The following LMO7 variants were observed in gnomAD, a reference collection of about 807,000 sequenced individuals.
LMO7 encodes LIM domain 7, also known as LIM domain only protein 7.
In LMO7, 120 loss-of-function variants were observed where a neutral mutation model predicts 206.5. That is an observed-to-expected ratio of 0.58 (90% confidence interval 0.50 to 0.68). The LOEUF is 0.68. Among genes scored for constraint, LMO7 ranks in the 30% least tolerant of loss-of-function variants. LMO7 has a pLI of 0.00. For missense variants in LMO7, 1,959 were observed against 1,957.9 expected (o/e 1.00, Z -0.01); for synonymous variants, 706 against 681.5 (o/e 1.04, Z -0.56).
intron 26 of LMO7, 141 bp downstream of exon 26, chr13:75,845,520 A>T (rs1488774893): frequency 1.3e-5 from 7 of 543,894 alleles, no homozygotes; most frequent in African/African-American, 2.0e-5. Context: ...ACCTCTGTAT[A>T]TAAAAACAGC....
intron 7 of LMO7, among the ~76,000 whole-genome samples, chr13:75,803,824 T>C (rs1387061399): frequency 1.3e-5 from 2 of 152,174 alleles, no homozygotes; most frequent in Non-Finnish European, 2.9e-5. Context: ...TGTTTTTTTT[T>C]TTCTTCTCTT....
chr13:75,850,408 A>G (rs2060398150), intron 27 of LMO7, among the ~76,000 whole-genome samples: 1 of 152,168 alleles, frequency 6.6e-6, no homozygotes, highest in African/African-American at 2.4e-5. Context: ...TTCTGGATAT[A>G]TTTGGATAAA....
chr13:75,805,934 A>C (rs2055396672), intron 9 of LMO7, 174 bp downstream of exon 9: 1 of 1,112,438 alleles, frequency 9.0e-7, no homozygotes, highest in African/African-American at 1.6e-5. Flanking sequence ...AAACCTGAGG[A>C]TCTAGATCTT....
intron 26 of LMO7, among the ~76,000 whole-genome samples, chr13:75,848,066 A>C (rs972692186): frequency 2.0e-5 from 3 of 151,832 alleles, no homozygotes; most frequent in Non-Finnish European, 2.9e-5. Context: ...TTTATTTTTA[A>C]ATTTTTTTAT....
intron 20 of LMO7, chr13:75,838,411 T>C (rs1023964259): frequency 1.1e-5 from 16 of 1,392,630 alleles, no homozygotes; most frequent in Middle Eastern, 1.8e-4. Flanking sequence ...TGTGTGTCCT[T>C]TGTATACCTC....
chr13:75,840,589 G>T (rs878881248), intron 22 of LMO7, 94 bp downstream of exon 22: 2 of 1,413,030 alleles, frequency 1.4e-6, no homozygotes, highest in Non-Finnish European at 9.6e-7. Flanking sequence ...AATTTTAAAC[G>T]CAACAATCTC....
intron 2 of LMO7, among the ~76,000 whole-genome samples, chr13:75,624,117 C>T (rs1373116357): frequency 6.6e-6 from 1 of 152,180 alleles, no homozygotes; most frequent in Non-Finnish European, 1.5e-5. Context: ...GTCTCCTCAT[C>T]TATGACAGAC....
At chr13:75,735,543 A>T (rs1594634594) in intron 3 of LMO7, among the ~76,000 whole-genome samples, 1 of 151,806 alleles carries the variant, frequency 6.6e-6, no homozygotes, top group Admixed American at 6.6e-5. Flanking sequence ...CTCCCTGCAA[A>T]CTCCGCCTTC....
chr13:75,802,627 C>G (rs2054903134), intron 7 of LMO7, among the ~76,000 whole-genome samples: 1 of 152,138 alleles, frequency 6.6e-6, no homozygotes, highest in Non-Finnish European at 1.5e-5. Flanking sequence ...TCCATGTAAC[C>G]AAAAGCAGAA....
chr13:75,804,689 T>A lies in LMO7; in HGVS notation c.914+148T>A, dbSNP rs2055212478. On this transcript the variant is annotated intron_variant, in intron 8 of 30. Transcript: ENST00000377534. ...AGAATATTTTTCATCCCTCTATTTTTAGTTATACATATCTTGAAGCCATTT... is the reference window on the plus strand; with the variant it reads ...AGAATATTTTTCATCCCTCTATTTTAAGTTATACATATCTTGAAGCCATTT... 8.9e-6 allele frequency: 10 copies of A among 1,129,038 alleles called. 1 individual carries two copies. The South Asian group carries it at 1.6e-4, about 18-fold the overall frequency. The allele number at this position is 1,129,038 out of a possible 1,614,324, so 69.9% of individuals were successfully genotyped here. A position where few individuals can be genotyped will look rare whatever the true frequency, so the allele number is the denominator to read the frequency against.
intron 3 of LMO7, among the ~76,000 whole-genome samples, chr13:75,757,173 G>A (rs2047742563): frequency 6.6e-6 from 1 of 152,178 alleles, no homozygotes; most frequent in African/African-American, 2.4e-5. Flanking sequence ...AAAGAACCAA[G>A]GCTTCCTGTT....
chr13:75,680,189 G>T (rs146071932), intron 1 of LMO7, among the ~76,000 whole-genome samples: 3,433 of 152,248 alleles, frequency 0.023, 53 homozygotes, highest in Non-Finnish European at 0.033. Context: ...GAGGATAATG[G>T]CTTCCAGCTC....
chr13:75,764,929 AGTTT>A (rs914558498), intron 4 of LMO7, among the ~76,000 whole-genome samples: 4 of 151,910 alleles, frequency 2.6e-5, no homozygotes, highest in African/African-American at 9.7e-5. Flanking sequence ...ATATTAACGG[AGTTT>A]GTTTTTTTAA....
intron 4 of LMO7, among the ~76,000 whole-genome samples, chr13:75,764,504 G>A (rs1314515947): frequency 1.3e-5 from 2 of 152,120 alleles, no homozygotes; most frequent in Non-Finnish European, 2.9e-5. Flanking sequence ...CTGGTCATTA[G>A]GAGAGGTACA....
At chr13:75,642,169 C>T (rs1202843612) in intron 1 of LMO7, among the ~76,000 whole-genome samples, 1 of 152,176 alleles carries the variant, frequency 6.6e-6, no homozygotes, top group Admixed American at 6.5e-5. Context: ...ACAGATATGT[C>T]AAAGTATTTC....
At chr13:75,756,655 AG>A (rs1394674472) in intron 3 of LMO7, among the ~76,000 whole-genome samples, 2 of 152,136 alleles carry the variant, frequency 1.3e-5, no homozygotes, top group African/African-American at 4.8e-5. Context: ...GAGTGTCTAT[AG>A]TGATTATCTT....
Position 75,760,996 on chromosome 13 carries a change from A to G in LMO7, c.275A>G (p.His92Arg). Residue 92 changes from histidine to arginine, a missense_variant, in exon 4 of 31, where the codon CAT becomes CGT. His to Arg is a conservative substitution (Grantham distance 29). Transcript: ENST00000377534. ...GGATTGAAAGAAGCCCAGCTTTTCC[A>G]TCCTGGAGATCTACAGGATTTATCA... is the stretch of plus-strand genomic sequence containing the variant. ...QIGLKEAQLF[H>R]PGDLQDLSNR... The G allele has an allele frequency of 6.2e-7, 1 of 1,613,522 alleles. No homozygotes were observed. The highest frequency in any genetic ancestry group is 8.5e-7 in the Non-Finnish European group (1 of 1,179,702).
At chr13:75,840,550 T>A (rs931571892) in intron 22 of LMO7, 55 bp downstream of exon 22, 1 of 1,586,438 alleles carries the variant, frequency 6.3e-7, no homozygotes, top group Non-Finnish European at 8.6e-7. Context: ...ACGGCTTTTC[T>A]CCAGTCTGTC....
At chr13:75,821,120 C>G (rs1030758948) in intron 13 of LMO7, 57 bp from the exon 14 acceptor site, 4 of 1,379,804 alleles carry the variant, frequency 2.9e-6, no homozygotes, top group Non-Finnish European at 4.0e-6. Context: ...ACTCTCTCAC[C>G]ACCTCTGTGT....
Sources: allele counts gnomAD v4.1 joint callset (sites outside exome capture counted in the v4.1 genomes callset), GRCh38; gene constraint gnomAD v4.1.1; transcripts MANE v1.5; gene names NCBI Gene and HGNC (gene_info 2026-07-23, HGNC 2026-07-21).